Variants in FAM227B observed in about 807,000 individuals in gnomAD.
FAM227B encodes the protein family with sequence similarity 227 member B.
Under a neutral mutation model 73.8 loss-of-function variants are expected in FAM227B, and 88 were observed. The observed-to-expected ratio is 1.19, with a 90% CI of 1.00 to 1.42. The LOEUF (loss-of-function observed/expected upper bound fraction) is 1.42, where lower values mean the gene tolerates loss of function less well. FAM227B is among the 40% of genes most tolerant of loss of function. FAM227B has a pLI of 0.00. For missense variants in FAM227B, 632 were observed against 590.9 expected, an observed-to-expected ratio of 1.07 and a Z score of -0.72; for synonymous variants, 210 against 190.5, an observed-to-expected ratio of 1.10 and a Z score of -0.84.
chr15:49,569,219 GC>G, intron 8 of FAM227B, among the ~76,000 whole-genome samples: 1 of 151,598 alleles, frequency 6.6e-6, no homozygotes, highest in Middle Eastern at 3.4e-3. Context: ...TGAAAATATT[GC>G]CCCCACTTTT....
At chr15:49,618,342 G>A (rs572402582) in intron 1 of FAM227B, among the ~76,000 whole-genome samples, 55 of 152,274 alleles carry the variant, frequency 3.6e-4, no homozygotes, top group African/African-American at 1.3e-3. Context: ...ACTAAAGGCT[G>A]TAACGCTGTA....
chr15:49,498,911 A>C (rs977829915), intron 11 of FAM227B, among the ~76,000 whole-genome samples: 8 of 152,142 alleles, frequency 5.3e-5, no homozygotes, highest in Non-Finnish European at 8.8e-5. Context: ...TCACGCCTGT[A>C]ATCCCAGCAC....
At chr15:49,347,506 T>C (rs2041680830) in intron 13 of FAM227B, among the ~76,000 whole-genome samples, 1 of 152,156 alleles carries the variant, frequency 6.6e-6, no homozygotes, top group Non-Finnish European at 1.5e-5. Flanking sequence ...CTCATACTAG[T>C]ATCAGTGCTG....
chr15:49,539,837 G>A (rs2070804444), intron 10 of FAM227B, among the ~76,000 whole-genome samples: 1 of 152,234 alleles, frequency 6.6e-6, no homozygotes, highest in South Asian at 2.1e-4. Context: ...GAAGACATGT[G>A]TGGAGTAAAA....
chr15:49,521,074 G>C (rs1032141131), intron 10 of FAM227B, among the ~76,000 whole-genome samples: 1 of 152,180 alleles, frequency 6.6e-6, no homozygotes, highest in Non-Finnish European at 1.5e-5. Context: ...TTGTGCATGT[G>C]TGTTCACGCT....
chr15:49,617,337 TATA>T lies in FAM227B; in HGVS notation c.-72-2097_-72-2095del, dbSNP rs553772478. Among the ~76,000 whole-genome samples the T allele has an allele frequency of 5.9e-5, 9 of 152,272 alleles. No individual in the cohort carries two copies. In the South Asian group the frequency reaches 1.9e-3, roughly 32 times the overall value. On this transcript the variant is annotated intron_variant, in intron 1 of 15. Transcript: ENST00000299338. ...AAAGTCTTTAAGACTCATAGAGAGC[TATA>T]ATAAGATAATGCATCCCTGAAACCA...
chr15:49,562,780 A>G (rs1003595689), intron 9 of FAM227B, among the ~76,000 whole-genome samples: 5 of 152,132 alleles, frequency 3.3e-5, no homozygotes, highest in Non-Finnish European at 4.4e-5. Flanking sequence ...CAGAAAAAGC[A>G]TTTGATAAAA....
chr15:49,519,174 C>T (rs924385912), intron 10 of FAM227B, among the ~76,000 whole-genome samples: 6 of 152,222 alleles, frequency 3.9e-5, no homozygotes, highest in African/African-American at 1.4e-4. Context: ...AGATGGGCTC[C>T]CATGGCCTTG....
chr15:49,544,196 G>C (rs1322974247), intron 9 of FAM227B, among the ~76,000 whole-genome samples: 2 of 152,044 alleles, frequency 1.3e-5, no homozygotes, highest in Non-Finnish European at 2.9e-5. Context: ...TTTCCTTGTA[G>C]AGGTCTTTCA....
chr15:49,381,319 C>T (rs1382490774), intron 11 of FAM227B, among the ~76,000 whole-genome samples: 1 of 152,120 alleles, frequency 6.6e-6, no homozygotes, highest in East Asian at 1.9e-4. Context: ...AATAAAAAGG[C>T]AAAACCTGAT....
chr15:49,545,191 A>G (rs2071655110), intron 9 of FAM227B, among the ~76,000 whole-genome samples: 1 of 152,088 alleles, frequency 6.6e-6, no homozygotes, highest in South Asian at 2.1e-4. Context: ...TTATTGCTCC[A>G]TTCAGAGTTT....
rs574303059 is a variant in FAM227B, at chr15:49,581,800, C to T, written c.406-4136G>A. Among the ~76,000 whole-genome samples, 5 of 152,202 alleles carry T rather than the reference C, an allele frequency of 3.3e-5. No homozygotes were observed. In the East Asian group the frequency reaches 9.7e-4, roughly 29 times the overall value. On this transcript the variant is annotated intron_variant, in intron 5 of 15. Coordinates refer to ENST00000299338, the MANE Select transcript of FAM227B (RefSeq NM_152647.3). Reference sequence around the variant, plus strand: ...AGTGCTAAATACGGAAATCAAAGACCGTTACTAGCCACCAGAGAAACATAT... The same window carrying T: ...AGTGCTAAATACGGAAATCAAAGACTGTTACTAGCCACCAGAGAAACATAT...
At chr15:49,380,841 A>G (rs1324274554) in intron 11 of FAM227B, among the ~76,000 whole-genome samples, 1 of 151,024 alleles carries the variant, frequency 6.6e-6, no homozygotes, top group Admixed American at 6.5e-5. Context: ...AAATGTCGGC[A>G]GAAGCCCCTT....
chr15:49,458,436 TTTTGGTTTTA>T (rs2053512091), intron 11 of FAM227B, among the ~76,000 whole-genome samples: 1 of 152,026 alleles, frequency 6.6e-6, no homozygotes, highest in Admixed American at 6.6e-5. Flanking sequence ...CATTTAAAGG[TTTTGGTTTTA>T]TTTGGATTAT....
At chr15:49,332,443 A>G (rs1175484934) in intron 14 of FAM227B, among the ~76,000 whole-genome samples, 1 of 152,192 alleles carries the variant, frequency 6.6e-6, no homozygotes, top group African/African-American at 2.4e-5. Flanking sequence ...GAATCTCATG[A>G]TATCTGTCAC....
intron 11 of FAM227B, among the ~76,000 whole-genome samples, chr15:49,379,505 G>C (rs73398223): frequency 0.17 from 25,119 of 152,004 alleles, 2,378 homozygotes; most frequent in Non-Finnish European, 0.21. Flanking sequence ...ATTTATTTAT[G>C]GTTCAATCTT....
chr15:49,407,113 G>A (rs531053629), intron 11 of FAM227B, among the ~76,000 whole-genome samples: 3 of 152,252 alleles, frequency 2.0e-5, no homozygotes, highest in South Asian at 4.1e-4. Context: ...AGCCTAGGAG[G>A]ATGGCTGTCC....
chr15:49,425,308 A>G (rs2050026545), intron 11 of FAM227B: 1 of 151,992 alleles, frequency 6.6e-6, no homozygotes, highest in Non-Finnish European at 1.5e-5. Flanking sequence ...ATGTTTTTCA[A>G]TTTAAAGCCT....
intron 9 of FAM227B, among the ~76,000 whole-genome samples, chr15:49,555,282 T>C (rs2073535478): frequency 6.6e-6 from 1 of 152,256 alleles, no homozygotes; most frequent in Non-Finnish European, 1.5e-5. Flanking sequence ...TTTGCTTATC[T>C]GAAAAGGAGC....
Sources: gnomAD v4.1 joint callset for allele counts (sites outside exome capture counted in the v4.1 genomes callset) on GRCh38, gnomAD v4.1.1 for gene constraint, MANE v1.5 for transcripts, NCBI Gene and HGNC (gene_info 2026-07-23, HGNC 2026-07-21) for gene names.